The following BAIAP2L2 variants were observed in gnomAD, a reference collection of about 807,000 sequenced individuals.
BAIAP2L2 encodes the protein BAR/IMD domain-containing adapter protein 2-like 2.
A neutral mutation model predicts 60.4 loss-of-function variants in BAIAP2L2; 65 were observed. The ratio of observed to expected loss-of-function variants is 1.08; its 90% CI spans 0.88 to 1.32. The LOEUF is 1.32. Ranked by LOEUF, BAIAP2L2 falls within the 40% of genes most tolerant of loss-of-function variation. The pLI is 0.00. For missense variants in BAIAP2L2, 836 were observed against 741.2 expected, an observed-to-expected ratio of 1.13 and a Z score of -1.48; for synonymous variants, 344 against 301.7, an observed-to-expected ratio of 1.14 and a Z score of -1.45.
intron 12 of BAIAP2L2, 93 bp from the exon 13 acceptor site, chr22:38,085,825 G>A (rs2086048326): frequency 1.6e-6 from 2 of 1,254,160 alleles, no homozygotes; most frequent in Non-Finnish European, 2.2e-6. Flanking sequence ...CAAGGGCAGA[G>A]GACTGGGCCA....
In BAIAP2L2 at chr22:38,089,187, G is replaced by C. The variant is rs763002878; in HGVS notation, c.810C>G (p.His270Gln). Residue 270 changes from histidine (H) to glutamine (Q), a missense_variant, in exon 9 of 14, where the codon CAC (histidine) becomes CAG (glutamine). His to Gln is a conservative substitution (Grantham distance 24, BLOSUM62 0). Coordinates refer to ENST00000381669, the MANE Select transcript of BAIAP2L2 (RefSeq NM_025045.6). The part of the protein sequence containing the change: ...LGEFSSPRSR[H>Q]GSGSYGTEPD... The stretch of plus-strand genomic sequence containing the variant: ...GCTCGGTGCCGTAGGAGCCGGAGCC[G>C]TGCCGGCTGCGGGGGGAGCTGAACT... 1.1e-4 allele frequency: 138 copies of C among 1,300,468 alleles called. No homozygotes were observed. The highest frequency in any genetic ancestry group is 1.3e-4 in the Non-Finnish European group (135 of 1,027,196). The allele number at this position is 1,300,468 out of a possible 1,614,324, so 80.6% of individuals were successfully genotyped here. A position where few individuals can be genotyped will look rare whatever the true frequency, so the allele number is the denominator to read the frequency against.
chr22:38,100,489 T>C (rs1275948120), intron 4 of BAIAP2L2, among the ~76,000 whole-genome samples: 1 of 151,944 alleles, frequency 6.6e-6, no homozygotes, highest in East Asian at 1.9e-4. Flanking sequence ...ATCGCACCAC[T>C]GCATGCCAGC....
intron 4 of BAIAP2L2, among the ~76,000 whole-genome samples, chr22:38,107,268 C>T (rs1213671268): frequency 6.6e-6 from 1 of 152,080 alleles, no homozygotes; most frequent in African/African-American, 2.4e-5. Flanking sequence ...ACAGCTGCTT[C>T]CCAACTGGAC....
chr22:38,088,138 C>CG (rs1569216970), intron 10 of BAIAP2L2, among the ~76,000 whole-genome samples: 2 of 152,364 alleles, frequency 1.3e-5, no homozygotes, highest in African/African-American at 4.8e-5. Context: ...CGAGGGGGCA[C>CG]TGCCTGGCTC....
intron 7 of BAIAP2L2, among the ~76,000 whole-genome samples, chr22:38,096,476 G>A (rs1471817844): frequency 3.9e-5 from 6 of 152,152 alleles, no homozygotes; most frequent in African/African-American, 4.8e-5. Flanking sequence ...CCAACATGGC[G>A]AAACCCCGTC....
At chr22:38,094,225 G>A (rs559446755) in intron 7 of BAIAP2L2, among the ~76,000 whole-genome samples, 1 of 152,042 alleles carries the variant, frequency 6.6e-6, no homozygotes, top group African/African-American at 2.4e-5. Context: ...TTTCGCTCTT[G>A]TCCAGGCCGG....
In BAIAP2L2 at chr22:38,088,638, G is replaced by C. The variant is rs563400662; in HGVS notation, c.1118+110C>G. 101 of 1,130,358 alleles carry C rather than the reference G, an allele frequency of 8.9e-5. No individual in the cohort carries two copies. The South Asian group carries it at 1.7e-3, about 19-fold the overall frequency. 70.0% of individuals were successfully genotyped at this position (1,130,358 alleles called of 1,614,324 possible). On this transcript the variant is annotated intron_variant, in intron 10 of 13. Coordinates refer to ENST00000381669, the MANE Select transcript of BAIAP2L2 (RefSeq NM_025045.6). ...GGTCGGGAGGAGAGGAGCATTGTCC[G>C]AGGCCCCCGGGGGAGGCCAGGGAAA...
Position 38,088,821 on chromosome 22 carries a change from C to T in BAIAP2L2, c.1045G>A (p.Gly349Arg), listed in dbSNP as rs1048793535. The change falls in exon 10 of 14, where the codon GGG (glycine) becomes AGG (arginine). Residue 349 changes from glycine (G) to arginine (R), a missense_variant. By Grantham distance (125) the Gly-to-Arg change is moderately radical. Coordinates refer to ENST00000381669, the MANE Select transcript of BAIAP2L2 (RefSeq NM_025045.6). ...ANHTLLRFSA[G>R]DVVEVLVPEA... ...GGCACCAACACCTCCACCACGTCCC[C>T]AGCGGAGAAGCGCAGCAGCGTGTGG... 7 of 1,600,888 alleles carry T rather than the reference C, an allele frequency of 4.4e-6. No homozygotes were observed. The highest frequency in any genetic ancestry group is 1.7e-4 in the Middle Eastern group (1 of 6,050).
chr22:38,088,706 T>G, intron 10 of BAIAP2L2, 42 bp downstream of exon 10: 16 of 1,523,584 alleles, frequency 1.1e-5, no homozygotes, highest in South Asian at 2.4e-5. Flanking sequence ...CCCAGGGCCT[T>G]CTTCTCAACC....
rs1367214132 is a variant in BAIAP2L2 at position 38,098,179 on chromosome 22, C to G, written c.349G>C (p.Asp117His). The G allele has an allele frequency of 6.2e-7, 1 of 1,614,038 alleles. No homozygotes were observed. The highest frequency in any genetic ancestry group is 8.5e-7 in the Non-Finnish European group (1 of 1,180,022). The change falls in exon 6 of 14, where the codon GAC becomes CAC. Residue 117 changes from aspartate (D) to histidine (H), a missense_variant and splice_region_variant. Coordinates refer to ENST00000381669, the MANE Select transcript of BAIAP2L2 (RefSeq NM_025045.6). ...TCGAGCTCATAGTGCTGGCGGCTGT[C>G]CTGGGGTAGGGTGGAGTCGGGGAGG... ...NTKLDMQFIK[D>H]SRQHYELEYR...
intron 7 of BAIAP2L2, 46 bp downstream of exon 7, chr22:38,096,986 G>T (rs1225600310): frequency 1.9e-6 from 3 of 1,575,198 alleles, no homozygotes; most frequent in African/African-American, 2.7e-5. Flanking sequence ...TCAGGAGGGG[G>T]CAGCTCCTAG....
At chr22:38,087,028 A>C (rs1183322981) in intron 11 of BAIAP2L2, 96 bp downstream of exon 11, 3 of 1,374,690 alleles carry the variant, frequency 2.2e-6, no homozygotes, top group Non-Finnish European at 2.8e-6. Flanking sequence ...ACAAAAAAAC[A>C]AAAAAACAAG....
intron 1 of BAIAP2L2, among the ~76,000 whole-genome samples, chr22:38,109,639 A>C (rs1196723860): frequency 6.6e-6 from 1 of 152,018 alleles, no homozygotes; most frequent in African/African-American, 2.4e-5. Flanking sequence ...CCCCGGGGCA[A>C]GGGCAGCTCT....
rs780062780 is a variant in BAIAP2L2 at position 38,085,784 on chromosome 22, C to G, written c.1468-52G>C. 6.2e-5 allele frequency: 92 copies of G among 1,473,904 alleles called. 1 individual carries two copies. The South Asian group carries it at 1.1e-3, about 17-fold the overall frequency. 91.3% of individuals were successfully genotyped at this position (1,473,904 alleles called of 1,614,324 possible). ...TTTGGTGGGGAGAGGGGCAAGCAAT[C>G]CCTTGCTCCTCCCCTCCCTCTCCCC... On this transcript the variant is annotated intron_variant, in intron 12 of 13. Transcript: ENST00000381669.
Position 38,109,195 on chromosome 22 carries a change from T to C in BAIAP2L2, c.65A>G (p.Gln22Arg). ...CAGGTTCTCCAGGGCGGGGTTAAACTGCTCCATGATGCTCTGGACCCCAGG... is the reference window on the plus strand; with the variant it reads ...CAGGTTCTCCAGGGCGGGGTTAAACCGCTCCATGATGCTCTGGACCCCAGG... ...TMAIYKSIME[Q>R]FNPALENLVY... Residue 22 changes from glutamine (Q) to arginine (R), a missense_variant, in exon 2 of 14, where the codon CAG becomes CGG. Gln to Arg is a conservative substitution (Grantham distance 43). Transcript: ENST00000381669. The C allele has an allele frequency of 6.2e-7, 1 of 1,611,856 alleles. No individual in the cohort carries two copies. Among genetic ancestry groups the C allele is most frequent in the South Asian group, 1.1e-5 (1 of 91,046 alleles).
In BAIAP2L2 at chr22:38,088,881, C is replaced by G; in HGVS notation, c.985G>C (p.Val329Leu). ...RPGGGGGARR[V>L]RALVSHSEGA... ...TCCGAGTGGGAGACCAGGGCGCGGACTCTCCTGGCGCCCCCGCCGCCGCCC... is the reference window on the plus strand; with the variant it reads ...TCCGAGTGGGAGACCAGGGCGCGGAGTCTCCTGGCGCCCCCGCCGCCGCCC... The change falls in exon 10 of 14, where the codon GTC (valine) becomes CTC (leucine). Residue 329 changes from valine to leucine, a missense_variant. By Grantham distance (32) the Val-to-Leu change is conservative. Transcript: ENST00000381669. 6.3e-7 allele frequency: 1 copy of G among 1,587,112 alleles called. No homozygotes were observed. Among genetic ancestry groups the G allele is most frequent in the Non-Finnish European group, 8.5e-7 (1 of 1,174,588 alleles).
chr22:38,089,207 T>C lies in BAIAP2L2; in HGVS notation c.790A>G (p.Ser264Gly), dbSNP rs1555963605. The C allele has an allele frequency of 4.7e-6, 5 of 1,069,360 alleles. No individual in the cohort carries two copies. Among genetic ancestry groups the C allele is most frequent in the Non-Finnish European group, 5.6e-6 (5 of 887,222 alleles). The allele number at this position is 1,069,360 out of a possible 1,614,324, so 66.2% of individuals were successfully genotyped here. The change falls in exon 9 of 14, where the codon AGC (serine) becomes GGC (glycine). Residue 264 changes from serine to glycine, a missense_variant. By Grantham distance (56) the Ser-to-Gly change is moderately conservative. Coordinates refer to ENST00000381669, the MANE Select transcript of BAIAP2L2 (RefSeq NM_025045.6). ...DMPPRPLGEF[S>G]SPRSRHGSGS... is the part of the protein sequence containing the mutation. ...GAGCCGTGCCGGCTGCGGGGGGAGC[T>C]GAACTCTCCCAGGGGCCTCGGGGGC...
intron 1 of BAIAP2L2, among the ~76,000 whole-genome samples, 200 bp downstream of exon 1, chr22:38,110,275 G>C (rs2145651080): frequency 1.3e-5 from 2 of 151,622 alleles, no homozygotes; most frequent in Middle Eastern, 6.8e-3. Flanking sequence ...TCCAGCATCT[G>C]GGAGTTGGGG....
intron 7 of BAIAP2L2, among the ~76,000 whole-genome samples, chr22:38,095,322 A>C (rs770337649): frequency 6.6e-6 from 1 of 152,146 alleles, no homozygotes; most frequent in Non-Finnish European, 1.5e-5. Context: ...CAAAGGCCCC[A>C]CCTCAGAATA....
Sources: allele counts gnomAD v4.1 joint callset (sites outside exome capture counted in the v4.1 genomes callset), GRCh38; gene constraint gnomAD v4.1.1; transcripts MANE v1.5; gene names NCBI Gene and HGNC (gene_info 2026-07-23, HGNC 2026-07-21).